ZNF646: variants seen among roughly 807,000 people sequenced by gnomAD.
ZNF646 encodes zinc finger protein 646.
In ZNF646, 49 loss-of-function variants were observed where a neutral mutation model predicts 115.4. The observed-to-expected ratio is 0.42, with a 90% CI of 0.34 to 0.54. The LOEUF is 0.54. ZNF646 is among the 20% of genes least tolerant of loss of function. The pLI is 0.04. For synonymous variants in ZNF646, 933 were observed against 939.0 expected (o/e 0.99, Z 0.12); for missense variants, 2,269 against 2,457.9 (o/e 0.92, Z 1.62).
intron 2 of ZNF646, chr16:31,082,364 CT>C: frequency 5.7e-6 from 1 of 174,104 alleles, no homozygotes; most frequent in Non-Finnish European, 1.4e-5. Context: ...TGCCAACGGC[CT>C]TTTTAGGATC....
chr16:31,076,537 G>T lies in ZNF646; in HGVS notation c.213G>T (p.Glu71Asp). The T allele has an allele frequency of 6.2e-7, 1 of 1,613,062 alleles. No homozygotes were observed. The highest frequency in any genetic ancestry group is 1.1e-5 in the South Asian group (1 of 91,068). The change falls in exon 2 of 3, where the codon GAG (glutamate) becomes GAT (aspartate). Residue 71 changes from glutamate to aspartate, a missense_variant. By Grantham distance (45) the Glu-to-Asp change is conservative. Around this residue, in one of 5 missense-constraint regions of ZNF646, gnomAD observed 334 missense variants for 323.5 expected, o/e 1.03. Transcript: ENST00000300850. Reference protein sequence around the residue: ...GSLVNHRRTHETGLFPCTTCG... With the variant: ...GSLVNHRRTHDTGLFPCTTCG... ...TGGTTAACCATCGTCGGACCCACGA[G>T]ACTGGCCTTTTCCCCTGTACCACCT...
chr16:31,083,614 T>G lies in ZNF646; in HGVS notation c.*522T>G. 3 of 1,498,688 alleles carry G rather than the reference T, an allele frequency of 2.0e-6. No homozygotes were observed. Among genetic ancestry groups the G allele is most frequent in the Non-Finnish European group, 2.7e-6 (3 of 1,118,644 alleles). The allele number at this position is 1,498,688 out of a possible 1,614,324, so 92.8% of individuals were successfully genotyped here. On this transcript the variant is annotated 3_prime_UTR_variant, in exon 3 of 3. Coordinates refer to ENST00000300850, the MANE Select transcript of ZNF646 (RefSeq NM_014699.4). ...GTGGGAGTGTCCACAGACACCCCTG[T>G]CCTGCAGGGTGGGGAGTGGGCACCT...
chr16:31,073,765 G>T (rs2057038869), upstream of ZNF646: 1 of 152,334 alleles, frequency 6.6e-6, no homozygotes, highest in Non-Finnish European at 1.5e-5. Context: ...CGGGGGGCGG[G>T]GAGGTGGGAC....
rs1411049743 is a variant in ZNF646, at chr16:31,080,913, A to G, written c.4589A>G (p.His1530Arg). 2.5e-6 allele frequency: 4 copies of G among 1,613,944 alleles called. No individual in the cohort carries two copies. Among genetic ancestry groups the G allele is most frequent in the East Asian group, 2.2e-5 (1 of 44,878 alleles). ...DNSSQLQPGS[H>R]SSCSQCGKTY... ...AGCTCTCAGCTGCAGCCAGGGAGCC[A>G]CTCCTCTTGCAGCCAGTGTGGCAAG... Residue 1530 changes from histidine to arginine, a missense_variant, in exon 2 of 3, where the codon CAC becomes CGC. This residue lies in a region of ZNF646 where 1,062 missense variants were observed against 1,172.8 expected (regional missense o/e 0.91). Transcript: ENST00000300850.
rs201741092 is a variant in ZNF646 at position 31,079,500 on chromosome 16, A to G, written c.3176A>G (p.Lys1059Arg). ...CCCTTCCGCTGCAACCAGTGTGGCAAGACCTATCGCCATGGGGGCAGCCTG... is the reference window on the plus strand; with the variant it reads ...CCCTTCCGCTGCAACCAGTGTGGCAGGACCTATCGCCATGGGGGCAGCCTG... ...PRPFRCNQCG[K>R]TYRHGGSLVN... The change falls in exon 2 of 3, where the codon AAG (lysine) becomes AGG (arginine). Residue 1059 changes from lysine (K) to arginine (R), a missense_variant. Physicochemically the swap from Lys to Arg is conservative, Grantham distance 26. Around this residue, in one of 5 missense-constraint regions of ZNF646, gnomAD observed 1,062 missense variants for 1,172.8 expected, o/e 0.91. Transcript: ENST00000300850. This position sits in a 1 kb window ranked among gnomAD's most constrained non-coding sequence, Gnocchi z 5.5. 3.1e-6 allele frequency: 5 copies of G among 1,613,650 alleles called. 1 individual carries two copies. The South Asian group carries it at 4.4e-5, about 14-fold the overall frequency.
Position 31,078,660 on chromosome 16 carries a change from G to T in ZNF646, c.2336G>T (p.Gly779Val). 1.2e-6 allele frequency: 2 copies of T among 1,614,190 alleles called. No homozygotes were observed. The highest frequency in any genetic ancestry group is 1.7e-6 in the Non-Finnish European group (2 of 1,180,028). The change falls in exon 2 of 3, where the codon GGT (glycine) becomes GTT (valine). Residue 779 changes from glycine to valine, a missense_variant. Physicochemically the swap from Gly to Val is moderately radical, Grantham distance 109. This residue lies in a region of ZNF646 where 852 missense variants were observed against 900.2 expected (regional missense o/e 0.95). Coordinates refer to ENST00000300850, the MANE Select transcript of ZNF646 (RefSeq NM_014699.4). ...LDNLDIPGEEGGGTHFCDSLT... is the reference protein window; with the variant it reads ...LDNLDIPGEEVGGTHFCDSLT... Reference sequence around the variant, plus strand: ...AACTTGGACATCCCAGGTGAGGAAGGTGGTGGCACTCACTTCTGCGATAGC... The same window carrying T: ...AACTTGGACATCCCAGGTGAGGAAGTTGGTGGCACTCACTTCTGCGATAGC...
chr16:31,076,717 T>C lies in ZNF646; in HGVS notation c.393T>C (p.Leu131=). 6.2e-7 allele frequency: 1 copy of C among 1,613,628 alleles called. No individual in the cohort carries two copies. Among genetic ancestry groups the C allele is most frequent in the South Asian group, 1.1e-5 (1 of 91,076 alleles). The change falls in exon 2 of 3, where the codon CTT becomes CTC. Residue 131 remains leucine (L), a synonymous_variant. Transcript: ENST00000300850. ...TVSTDSWGQR[L]GSSEGWENQT... ...CCACTGACTCCTGGGGCCAAAGGCT[T>C]GGCTCTAGTGAAGGCTGGGAAAACC...
chr16:31,084,133 C>T lies in ZNF646; in HGVS notation c.*1041C>T, dbSNP rs540467463. 5 of 1,581,946 alleles carry T rather than the reference C, an allele frequency of 3.2e-6. No individual in the cohort carries two copies. In the Admixed American group the frequency reaches 5.5e-5, roughly 17 times the overall value. On this transcript the variant is annotated 3_prime_UTR_variant, in exon 3 of 3. Coordinates refer to ENST00000300850, the MANE Select transcript of ZNF646 (RefSeq NM_014699.4). Reference sequence around the variant, plus strand: ...GGGCCACATACTTATGTTGGCCAGGCAGCTTCCAGGCTCAGCCTCGGGCTC... The same window carrying T: ...GGGCCACATACTTATGTTGGCCAGGTAGCTTCCAGGCTCAGCCTCGGGCTC...
Position 31,083,692 on chromosome 16 carries a change from G to T in ZNF646, c.*600G>T, listed in dbSNP as rs2057194889. 1 of 1,603,984 alleles carries T rather than the reference G, an allele frequency of 6.2e-7. No homozygotes were observed. Among genetic ancestry groups the T allele is most frequent in the South Asian group, 1.1e-5 (1 of 89,400 alleles). Reference sequence around the variant, plus strand: ...GCTGCTGGGCTTCTGGGCCTGCCCTGGTGCCTGGAATCACACATGACAGGG... The same window carrying T: ...GCTGCTGGGCTTCTGGGCCTGCCCTTGTGCCTGGAATCACACATGACAGGG... On this transcript the variant is annotated 3_prime_UTR_variant, in exon 3 of 3. Transcript: ENST00000300850.
Position 31,079,891 on chromosome 16 carries a change from C to T in ZNF646, c.3567C>T (p.Ala1189=), listed in dbSNP as rs201707459. Residue 1189 remains alanine (A), a synonymous_variant, in exon 2 of 3, where the codon GCC becomes GCT. Transcript: ENST00000300850. This position sits in a 1 kb window ranked among gnomAD's most constrained non-coding sequence, Gnocchi z 5.5. Reference sequence around the variant, plus strand: ...AGATAGAGCCCAGGCTGGAGACTGCCGAGAAGGGCTGCCAGACTGAAGCCA... The same window carrying T: ...AGATAGAGCCCAGGCTGGAGACTGCTGAGAAGGGCTGCCAGACTGAAGCCA... ...GEEIEPRLET[A]EKGCQTEASS... 1.2e-5 allele frequency: 20 copies of T among 1,611,620 alleles called. No individual in the cohort carries two copies. Among genetic ancestry groups the T allele is most frequent in the East Asian group, 4.5e-5 (2 of 44,824 alleles).
chr16:31,078,599 G>A lies in ZNF646; in HGVS notation c.2275G>A (p.Glu759Lys). The A allele has an allele frequency of 1.2e-6, 2 of 1,613,700 alleles. No homozygotes were observed. Among genetic ancestry groups the A allele is most frequent in the South Asian group, 1.1e-5 (1 of 91,040 alleles). The change falls in exon 2 of 3, where the codon GAA becomes AAA. Residue 759 changes from glutamate (E) to lysine (K), a missense_variant. By Grantham distance (56) the Glu-to-Lys change is moderately conservative (BLOSUM62 1). Coordinates refer to ENST00000300850, the MANE Select transcript of ZNF646 (RefSeq NM_014699.4). ...TGATAAAGAGAGCGGAGGCACTGGG[G>A]AAGGACTGGAAAGGAAGGATGCCAG... ...QGDKESGGTG[E>K]GLERKDASLL...
chr16:31,078,622 C>T lies in ZNF646; in HGVS notation c.2298C>T (p.Ala766=). ...GTGEGLERKD[A]SLLDNLDIPG... is the part of the protein sequence containing the mutation. ...GGGAAGGACTGGAAAGGAAGGATGC[C>T]AGTTTACTTGACAACTTGGACATCC... Residue 766 remains alanine (A), a synonymous_variant, in exon 2 of 3, where the codon GCC becomes GCT. Transcript: ENST00000300850. 6.2e-7 allele frequency: 1 copy of T among 1,614,074 alleles called. No individual in the cohort carries two copies. Among genetic ancestry groups the T allele is most frequent in the East Asian group, 2.2e-5 (1 of 44,886 alleles).
intron 2 of ZNF646, chr16:31,082,593 C>A: frequency 4.0e-6 from 1 of 252,812 alleles, no homozygotes; most frequent in South Asian, 5.9e-5. Flanking sequence ...GTGGGGCGGC[C>A]GGTTCCCTCA....
rs747933177 is a variant in ZNF646, at chr16:31,080,762, C to T, written c.4438C>T (p.Pro1480Ser). ...GGGGAATCATAGTGGAGGCTGGGTTCCTCAGTTCCTAACTAGGTCAGAGGA... is the reference window on the plus strand; with the variant it reads ...GGGGAATCATAGTGGAGGCTGGGTTTCTCAGTTCCTAACTAGGTCAGAGGA... ...GLGNHSGGWV[P>S]QFLTRSEEPE... The change falls in exon 2 of 3, where the codon CCT becomes TCT. Residue 1480 changes from proline to serine, a missense_variant. Pro to Ser is a moderately conservative substitution (Grantham distance 74, BLOSUM62 -1). Around this residue, in one of 5 missense-constraint regions of ZNF646, gnomAD observed 1,062 missense variants for 1,172.8 expected, o/e 0.91. Coordinates refer to ENST00000300850, the MANE Select transcript of ZNF646 (RefSeq NM_014699.4). 67 of 1,613,662 alleles carry T rather than the reference C, an allele frequency of 4.2e-5. No homozygotes were observed. Among genetic ancestry groups the T allele is most frequent in the Non-Finnish European group, 5.7e-5 (67 of 1,179,918 alleles).
At chr16:31,082,608 G>C (rs557497150) in intron 2 of ZNF646, 172 of 277,696 alleles carry the variant, frequency 6.2e-4, no homozygotes, top group African/African-American at 3.8e-3. Context: ...CCCTCAGCAG[G>C]ACCTGGGCTG....
Position 31,081,622 on chromosome 16 carries a change from T to TCCC in ZNF646, c.5300_5302dup (p.Pro1767dup). 3 of 1,527,384 alleles carry TCCC rather than the reference T, an allele frequency of 2.0e-6. No individual in the cohort carries two copies. The highest frequency in any genetic ancestry group is 2.6e-6 in the Non-Finnish European group (3 of 1,138,382). The allele number at this position is 1,527,384 out of a possible 1,614,324, so 94.6% of individuals were successfully genotyped here. On this transcript the variant is annotated inframe_insertion, in exon 2 of 3. Transcript: ENST00000300850. ...AGGGGCCTTTCACCTGCCCCCATTG[T>TCCC]CCCCGCCACTTCCGCCGCCGAATCA...
rs1233989313 is a variant in ZNF646, at chr16:31,080,582, T to C, written c.4258T>C (p.Leu1420=). The C allele has an allele frequency of 3.7e-6, 6 of 1,613,714 alleles. No homozygotes were observed. The highest frequency in any genetic ancestry group is 3.3e-5 in the South Asian group (3 of 91,052). ...TGGCAGCCAGGGACTAGAGACCCAA[T>C]TGGGTGGTGCTGAGCCAGTACCCCA... ...LTGSQGLETQ[L]GGAEPVPHLE... The change falls in exon 2 of 3, where the codon TTG becomes CTG. Residue 1420 remains leucine, a synonymous_variant. Transcript: ENST00000300850.
rs2057192857 is a variant in ZNF646 at position 31,083,507 on chromosome 16, A to G, written c.*415A>G. On this transcript the variant is annotated 3_prime_UTR_variant, in exon 3 of 3. Coordinates refer to ENST00000300850, the MANE Select transcript of ZNF646 (RefSeq NM_014699.4). ...TGCCCCCCAAAAAAAGAAATTTTCA[A>G]AACAACGTGGCTGGCGTGATTGTAT... The G allele has an allele frequency of 2.2e-6, 3 of 1,339,034 alleles. No homozygotes were observed. Among genetic ancestry groups the G allele is most frequent in the Non-Finnish European group, 2.9e-6 (3 of 1,041,562 alleles). 82.9% of individuals were successfully genotyped at this position (1,339,034 alleles called of 1,614,324 possible). A position where few individuals can be genotyped will look rare whatever the true frequency, so the allele number is the denominator to read the frequency against.
rs777787964 is a variant in ZNF646, at chr16:31,077,593, T to C, written c.1269T>C (p.His423=). The C allele has an allele frequency of 1.2e-5, 19 of 1,613,534 alleles. No individual in the cohort carries two copies. Among genetic ancestry groups the C allele is most frequent in the Non-Finnish European group, 1.5e-5 (18 of 1,179,906 alleles). ...CCCTCAAAAACCATGTGCGGGCTCA[T>C]CACAGGCCCAGGCAAGGAGTTGGGG... ...AAALKNHVRA[H]HRPRQGVGEN... The change falls in exon 2 of 3, where the codon CAT becomes CAC. Residue 423 remains histidine (H), a synonymous_variant. Coordinates refer to ENST00000300850, the MANE Select transcript of ZNF646 (RefSeq NM_014699.4).
Sources: allele counts gnomAD v4.1 joint callset, GRCh38; gene constraint gnomAD v4.1.1; regional missense constraint gnomAD v4.1.1; non-coding constraint Gnocchi (gnomAD v3.1); transcripts MANE v1.5; gene names NCBI Gene and HGNC (gene_info 2026-07-23, HGNC 2026-07-21).